NLGN1: variants seen among roughly 807,000 people sequenced by gnomAD.
The protein encoded by NLGN1 is neuroligin 1.
Under a neutral mutation model 65.5 loss-of-function variants are expected in NLGN1, and 12 were observed. The observed-to-expected ratio is 0.18, with a 90% CI of 0.12 to 0.30. The LOEUF (loss-of-function observed/expected upper bound fraction) is 0.30, where lower values mean the gene tolerates loss of function less well. Among genes scored for constraint, NLGN1 ranks in the 10% least tolerant of loss-of-function variants. The pLI, the probability that NLGN1 is intolerant of heterozygous loss-of-function variation, is 1.00. For missense variants in NLGN1, 750 were observed against 1,007.1 expected (o/e 0.74, Z 3.46); for synonymous variants, 350 against 359.5 (o/e 0.97, Z 0.30).
intron 2 of NLGN1, among the ~76,000 whole-genome samples, chr3:173,524,882 G>A (rs1480436203): frequency 1.3e-5 from 2 of 152,130 alleles, no homozygotes; most frequent in Non-Finnish European, 2.9e-5. Flanking sequence ...ATTTGCATAT[G>A]TGAACCATCC....
At chr3:173,511,002 T>C (rs574840669) in intron 2 of NLGN1, among the ~76,000 whole-genome samples, 1 of 152,288 alleles carries the variant, frequency 6.6e-6, no homozygotes, top group South Asian at 2.1e-4. Context: ...CTTTTGTGCA[T>C]AGTTGAGAAA....
rs1777353878 is a variant in NLGN1, at chr3:173,757,742, G to A, written c.494-49938G>A. On this transcript the variant is annotated intron_variant, in intron 3 of 6. Transcript: ENST00000457714. ...AGTCTGATTGTTAGATTATATGAAG[G>A]AATTATCCTTACTTTCTTTAGGTGT... Among the ~76,000 whole-genome samples the A allele has an allele frequency of 1.3e-5, 2 of 151,884 alleles. 1 individual carries two copies. The highest frequency in any genetic ancestry group is 4.1e-4 in the South Asian group (2 of 4,824).
At chr3:173,673,891 G>A (rs1413122435) in intron 3 of NLGN1, among the ~76,000 whole-genome samples, 1 of 152,060 alleles carries the variant, frequency 6.6e-6, no homozygotes, top group African/African-American at 2.4e-5. Flanking sequence ...CAAGCATAGG[G>A]GCTCAAAGGC....
At chr3:173,662,639 C>T (rs1502484) in intron 3 of NLGN1, among the ~76,000 whole-genome samples, 60 of 151,326 alleles carry the variant, frequency 4.0e-4, no homozygotes, top group Non-Finnish European at 7.5e-4. Context: ...TGTTTTCATT[C>T]GGGTCTTTCT....
intron 2 of NLGN1, among the ~76,000 whole-genome samples, chr3:173,526,676 T>C (rs1181525911): frequency 1.3e-5 from 2 of 152,196 alleles, no homozygotes; most frequent in Non-Finnish European, 2.9e-5. Context: ...ACCCGCTATG[T>C]TAGAAAATAT....
rs549588111 is a variant in NLGN1, at chr3:173,575,214, AAT to A, written c.-320-29063_-320-29062del. Among the ~76,000 whole-genome samples the A allele has an allele frequency of 1.1e-3, 170 of 152,202 alleles. 1 individual carries two copies. Among genetic ancestry groups the A allele is most frequent in the Middle Eastern group, 6.8e-3 (2 of 294 alleles). On this transcript the variant is annotated intron_variant, in intron 2 of 6. Transcript: ENST00000457714. Reference sequence around the variant, plus strand: ...AAAAATAAAAAATAAAAAATAAAAAAATAAAAAAAAATTATGGTGACTTTACA... The same window carrying A: ...AAAAATAAAAAATAAAAAATAAAAAAAAAAAAAAATTATGGTGACTTTACA...
intron 4 of NLGN1, among the ~76,000 whole-genome samples, chr3:174,170,874 A>T (rs1285057199): frequency 6.6e-6 from 1 of 152,188 alleles, no homozygotes. Context: ...TGTTTGTTTA[A>T]CCACATACTA....
rs141877734 is a variant in NLGN1 at position 173,623,563 on chromosome 3, A to G, written c.493+18472A>G. ...AGCATGGGCAAAGAGAAGCATTGAGATGGGAAAGAACAAGGTTTGTGACCA... is the reference window on the plus strand; with the variant it reads ...AGCATGGGCAAAGAGAAGCATTGAGGTGGGAAAGAACAAGGTTTGTGACCA... On this transcript the variant is annotated intron_variant, in intron 3 of 6. Transcript: ENST00000457714. 3.3e-5 allele frequency among the ~76,000 whole-genome samples: 5 copies of G among 152,194 alleles called. No homozygotes were observed. In the East Asian group the frequency reaches 9.7e-4, roughly 29 times the overall value.
intron 3 of NLGN1, among the ~76,000 whole-genome samples, chr3:173,721,771 C>T (rs1770867302): frequency 6.6e-6 from 1 of 152,112 alleles, no homozygotes; most frequent in African/African-American, 2.4e-5. Context: ...ACCATCTTTG[C>T]CGCATAGTAC....
chr3:173,893,118 C>A (rs1735664904), intron 4 of NLGN1, among the ~76,000 whole-genome samples: 1 of 152,120 alleles, frequency 6.6e-6, no homozygotes, highest in South Asian at 2.1e-4. Flanking sequence ...CTCTCATAGG[C>A]ACCTCAAACC....
At chr3:173,723,118 A>G (rs1418410148) in intron 3 of NLGN1, among the ~76,000 whole-genome samples, 2 of 152,160 alleles carry the variant, frequency 1.3e-5, no homozygotes, top group Non-Finnish European at 2.9e-5. Context: ...GGCATTTTCA[A>G]AGCGATACTT....
intron 4 of NLGN1, among the ~76,000 whole-genome samples, chr3:174,180,446 T>A (rs1254726415): frequency 1.3e-5 from 2 of 152,182 alleles, no homozygotes; most frequent in African/African-American, 4.8e-5. Context: ...TGTCATGTAA[T>A]TATTGCAAAA....
intron 4 of NLGN1, among the ~76,000 whole-genome samples, chr3:174,220,253 G>A (rs184344797): frequency 1.3e-5 from 2 of 152,232 alleles, no homozygotes; most frequent in East Asian, 3.9e-4. Context: ...GAAAGTGGCA[G>A]AATCACTGGT....
chr3:174,216,987 G>A (rs572961491), intron 4 of NLGN1, among the ~76,000 whole-genome samples: 3 of 152,210 alleles, frequency 2.0e-5, no homozygotes, highest in South Asian at 4.1e-4. Flanking sequence ...CTGCAACAAA[G>A]TACCACAAAC....
chr3:173,542,769 C>A (rs1272131158), intron 2 of NLGN1, among the ~76,000 whole-genome samples: 1 of 151,982 alleles, frequency 6.6e-6, no homozygotes. Flanking sequence ...ATACAGTTGT[C>A]TTTTATATTT....
At chr3:174,037,042 A>T (rs1731297990) in intron 4 of NLGN1, among the ~76,000 whole-genome samples, 1 of 152,110 alleles carries the variant, frequency 6.6e-6, no homozygotes, top group South Asian at 2.1e-4. Context: ...TGCTGTCGTA[A>T]ATAGTGCTTC....
intron 3 of NLGN1, among the ~76,000 whole-genome samples, chr3:173,774,751 A>AT (rs1352585826): frequency 1.3e-5 from 2 of 152,150 alleles, no homozygotes; most frequent in African/African-American, 4.8e-5. Context: ...TGGTACTCTC[A>AT]TTTGCATTTT....
At position 174,010,775 on chromosome 3, in the gene NLGN1, C is replaced by T. The variant is rs116573039; in HGVS notation, c.646+202943C>T. ...TTTGTTGATGATTCATTGCATTTTG[C>T]ATTTAGAAGCATTATATTTAGTGCC... On this transcript the variant is annotated intron_variant, in intron 4 of 6. Coordinates refer to ENST00000457714, the Ensembl canonical transcript of NLGN1. Among the ~76,000 whole-genome samples, 676 of 152,172 alleles carry T rather than the reference C, an allele frequency of 4.4e-3. 4 individuals are homozygous for T. The highest frequency in any genetic ancestry group is 0.015 in the African/African-American group (633 of 41,510).
chr3:173,498,111 T>A (rs1363844625), intron 2 of NLGN1, among the ~76,000 whole-genome samples: 3 of 151,786 alleles, frequency 2.0e-5, no homozygotes, highest in Non-Finnish European at 2.9e-5. Context: ...CGTGCAGGTT[T>A]GTTACATATG....
Sources: gnomAD v4.1 joint callset for allele counts (sites outside exome capture counted in the v4.1 genomes callset) on GRCh38, gnomAD v4.1.1 for gene constraint, MANE v1.5 for transcripts, NCBI Gene and HGNC (gene_info 2026-07-23, HGNC 2026-07-21) for gene names.